Variants in PDE4A observed in about 807,000 individuals in gnomAD.
PDE4A encodes phosphodiesterase 4A, also known as 3',5'-cyclic-AMP phosphodiesterase 4A.
In PDE4A, 21 loss-of-function variants were observed where a neutral mutation model predicts 73.9. The observed-to-expected ratio is 0.28, with a 90% CI of 0.20 to 0.41. PDE4A has a LOEUF of 0.41. Ranked by LOEUF, PDE4A falls within the 10% of genes least tolerant of loss-of-function variation. PDE4A has a pLI of 1.00. For synonymous variants in PDE4A, 463 were observed against 505.4 expected, an observed-to-expected ratio of 0.92 and a Z score of 1.13; for missense variants, 958 against 1,211.4, an observed-to-expected ratio of 0.79 and a Z score of 3.10.
At chr19:10,461,751 T>G in intron 12 of PDE4A, 71 bp downstream of exon 12, 1 of 1,593,404 alleles carries the variant, frequency 6.3e-7, no homozygotes, top group Non-Finnish European at 8.5e-7. Flanking sequence ...GAGGAGTGGG[T>G]CTGAGTCCCA....
upstream of PDE4A, among the ~76,000 whole-genome samples, chr19:10,418,291 G>A (rs1036110992): frequency 6.6e-6 from 1 of 152,170 alleles, no homozygotes; most frequent in African/African-American, 2.4e-5. Flanking sequence ...GGAGATGTGA[G>A]AAATATCTGC....
chr19:10,420,366 T>C (rs1343938536), upstream of PDE4A: 1 of 977,894 alleles, frequency 1.0e-6, no homozygotes, highest in African/African-American at 1.8e-5. This position sits in a 1 kb window ranked among gnomAD's most constrained non-coding sequence, Gnocchi z 6.0. Flanking sequence ...GGGATCTGCG[T>C]GGGCGGGAAG....
chr19:10,430,899 C>T (rs1402636853), intron 1 of PDE4A: 4 of 1,491,860 alleles, frequency 2.7e-6, no homozygotes, highest in African/African-American at 1.5e-5. Context: ...GGTGGCCTTC[C>T]CGGTGGCGGT....
chr19:10,457,570 G>T (rs1160130324), intron 7 of PDE4A, among the ~76,000 whole-genome samples: 1 of 151,934 alleles, frequency 6.6e-6, no homozygotes, highest in Non-Finnish European at 1.5e-5. Context: ...GGGTGTTCGG[G>T]GTAGGCAGCG....
At chr19:10,457,154 G>C (rs1451969664) in intron 7 of PDE4A, among the ~76,000 whole-genome samples, 2 of 152,146 alleles carry the variant, frequency 1.3e-5, no homozygotes, top group Admixed American at 1.3e-4. Flanking sequence ...GCCAGAGATC[G>C]TGCCACTGCA....
In PDE4A at chr19:10,461,700, G is replaced by GGGGGC; in HGVS notation, c.1620+20_1620+21insGGGGC. On this transcript the variant is annotated intron_variant, in intron 12 of 14. Transcript: ENST00000380702. ...GACATGGTGGGCGGGGCTGGGGCGG[G>GGGGGC]ACGGAGCGGGAAAGGAAGCCTAGGA... The GGGGGC allele has an allele frequency of 5.0e-6, 3 of 598,394 alleles. No homozygotes were observed. Among genetic ancestry groups the GGGGGC allele is most frequent in the Non-Finnish European group, 9.4e-6 (3 of 318,812 alleles). The allele number at this position is 598,394 out of a possible 1,614,324, so 37.1% of individuals were successfully genotyped here. A position where few individuals can be genotyped will look rare whatever the true frequency, so the allele number is the denominator to read the frequency against.
At chr19:10,455,491 G>A (rs2043156602) in intron 7 of PDE4A, among the ~76,000 whole-genome samples, 1 of 150,640 alleles carries the variant, frequency 6.6e-6, no homozygotes, top group African/African-American at 2.4e-5. Flanking sequence ...AATATTAGCC[G>A]GGCATGGTGG....
intron 4 of PDE4A, among the ~76,000 whole-genome samples, chr19:10,449,441 C>T (rs1463327687): frequency 6.6e-6 from 1 of 152,078 alleles, no homozygotes; most frequent in Non-Finnish European, 1.5e-5. Flanking sequence ...CTCACTGCAA[C>T]CTCTGCCTCC....
intron 1 of PDE4A, chr19:10,428,619 C>T (rs1361023188): frequency 9.3e-6 from 2 of 214,948 alleles, no homozygotes; most frequent in African/African-American, 4.7e-5. Context: ...AGACACTTTT[C>T]TGAGCTTTTT....
At position 10,453,702 on chromosome 19, in the gene PDE4A, T is replaced by C. The variant is rs1365367746; in HGVS notation, c.784-1127T>C. ...TGTGTCTGAGCCCAGAGCTGCCTGATATTTTGGGGACATGTGACCCCAAAT... is the reference window on the plus strand; with the variant it reads ...TGTGTCTGAGCCCAGAGCTGCCTGACATTTTGGGGACATGTGACCCCAAAT... On this transcript the variant is annotated intron_variant, in intron 6 of 14. Coordinates refer to ENST00000380702, the MANE Select transcript of PDE4A (RefSeq NM_001111307.2). This position sits in a 1 kb window ranked among gnomAD's most constrained non-coding sequence, Gnocchi z 4.6. Among the ~76,000 whole-genome samples the C allele has an allele frequency of 6.6e-6, 1 of 152,138 alleles. No homozygotes were observed. Among genetic ancestry groups the C allele is most frequent in the Non-Finnish European group, 1.5e-5 (1 of 68,012 alleles).
At chr19:10,449,233 C>G in intron 4 of PDE4A, 83 bp downstream of exon 4, 2 of 1,460,152 alleles carry the variant, frequency 1.4e-6, no homozygotes, top group Non-Finnish European at 1.9e-6. Flanking sequence ...TGTGTGACCT[C>G]TGGCAGGCAG....
At chr19:10,444,759 G>A (rs188097436) in intron 1 of PDE4A, among the ~76,000 whole-genome samples, 12 of 149,868 alleles carry the variant, frequency 8.0e-5, no homozygotes, top group Admixed American at 4.7e-4. Flanking sequence ...TGCAACCTCC[G>A]TTTCCTGGGT....
intron 1 of PDE4A, among the ~76,000 whole-genome samples, chr19:10,443,207 T>C (rs2042961198): frequency 6.6e-6 from 1 of 151,868 alleles, no homozygotes; most frequent in South Asian, 2.1e-4. Flanking sequence ...GAAAAATACA[T>C]GATAAGGGAT....
At chr19:10,430,921 A>G in intron 1 of PDE4A, 2 of 1,494,592 alleles carry the variant, frequency 1.3e-6, no homozygotes, top group Non-Finnish European at 1.8e-6. Context: ...GCGGCTGAGG[A>G]CGAGGCGTTC....
Position 10,467,693 on chromosome 19 carries a change from C to A in PDE4A, c.*72C>A. ...CCTGCTCCCCCGACCACCTCCTCCTCTGCCTCAAAGACTCTTGTCCTCTTG... is the reference window on the plus strand; with the variant it reads ...CCTGCTCCCCCGACCACCTCCTCCTATGCCTCAAAGACTCTTGTCCTCTTG... On this transcript the variant is annotated 3_prime_UTR_variant, in exon 15 of 15. Transcript: ENST00000380702. The A allele has an allele frequency of 8.4e-7, 1 of 1,187,982 alleles. No homozygotes were observed. Among genetic ancestry groups the A allele is most frequent in the South Asian group, 1.6e-5 (1 of 64,438 alleles). 73.6% of individuals were successfully genotyped at this position (1,187,982 alleles called of 1,614,324 possible). A position where few individuals can be genotyped will look rare whatever the true frequency, so the allele number is the denominator to read the frequency against.
At chr19:10,448,469 T>A (rs1359503477) in intron 2 of PDE4A, among the ~76,000 whole-genome samples, 3 of 151,794 alleles carry the variant, frequency 2.0e-5, no homozygotes, top group African/African-American at 7.3e-5. Context: ...AAACCCAGTC[T>A]CTACTAAAAA....
chr19:10,418,739 AC>A, upstream of PDE4A: 1 of 984,188 alleles, frequency 1.0e-6, no homozygotes, highest in Non-Finnish European at 1.2e-6. Flanking sequence ...TGACACCCCC[AC>A]CCACCTCACA....
rs368626105 is a variant in PDE4A, at chr19:10,446,369, C to T, written c.472C>T (p.Pro158Ser). The change falls in exon 2 of 15, where the codon CCC becomes TCC. Residue 158 changes from proline (P) to serine (S), a missense_variant. Physicochemically the swap from Pro to Ser is moderately conservative, Grantham distance 74 (BLOSUM62 -1). Around this residue, in one of 3 missense-constraint regions of PDE4A, gnomAD observed 570 missense variants for 827.7 expected, o/e 0.69. Coordinates refer to ENST00000380702, the MANE Select transcript of PDE4A (RefSeq NM_001111307.2). ...CTCAGACAGCGACTATGACATGTCACCCAAGACCATGTCCCGGAACTCATC... is the reference window on the plus strand; with the variant it reads ...CTCAGACAGCGACTATGACATGTCATCCAAGACCATGTCCCGGAACTCATC... ...YRSDSDYDMS[P>S]KTMSRNSSVT... is the part of the protein sequence containing the mutation. 4 of 1,613,614 alleles carry T rather than the reference C, an allele frequency of 2.5e-6. No homozygotes were observed. Among genetic ancestry groups the T allele is most frequent in the South Asian group, 1.1e-5 (1 of 91,082 alleles).
chr19:10,426,511 C>T (rs997502047), intron 1 of PDE4A, among the ~76,000 whole-genome samples: 1 of 152,096 alleles, frequency 6.6e-6, no homozygotes, highest in Non-Finnish European at 1.5e-5. Flanking sequence ...CAAAAGATTG[C>T]ACACCCTTGC....
Sources: allele counts gnomAD v4.1 joint callset (sites outside exome capture counted in the v4.1 genomes callset), GRCh38; gene constraint gnomAD v4.1.1; regional missense constraint gnomAD v4.1.1; non-coding constraint Gnocchi (gnomAD v3.1); transcripts MANE v1.5; gene names NCBI Gene and HGNC (gene_info 2026-07-23, HGNC 2026-07-21).